Variants in ROBO1 observed in about 807,000 individuals in gnomAD.
ROBO1 encodes roundabout homolog 1.
In ROBO1, 149 loss-of-function variants were observed where a neutral mutation model predicts 195.9. The ratio of observed to expected loss-of-function variants is 0.76; its 90% CI spans 0.67 to 0.87. The LOEUF (loss-of-function observed/expected upper bound fraction) is 0.87, where lower values mean the gene tolerates loss of function less well. ROBO1 is among the 40% of genes least tolerant of loss of function. ROBO1 has a pLI of 0.00. For synonymous variants in ROBO1, 816 were observed against 733.2 expected (o/e 1.11, Z -1.82); for missense variants, 1,933 against 2,068.3 (o/e 0.93, Z 1.27).
At chr3:79,408,145 G>A (rs2037622519) in intron 2 of ROBO1, among the ~76,000 whole-genome samples, 1 of 151,864 alleles carries the variant, frequency 6.6e-6, no homozygotes, top group African/African-American at 2.4e-5. Context: ...TTGAACCCAC[G>A]AGGCCGAGGT....
intron 1 of ROBO1, among the ~76,000 whole-genome samples, chr3:79,765,628 T>C (rs1553651701): frequency 6.6e-6 from 1 of 152,192 alleles, no homozygotes; most frequent in Non-Finnish European, 1.5e-5. Context: ...GGCTTCCAAA[T>C]AAATCAGTGG....
chr3:78,659,282 C>T (rs1021417595), intron 17 of ROBO1, among the ~76,000 whole-genome samples: 3 of 152,108 alleles, frequency 2.0e-5, no homozygotes, highest in East Asian at 1.9e-4. Flanking sequence ...ATACACTGTT[C>T]ATATACACAA....
At chr3:79,141,215 G>T (rs1013117084) in intron 2 of ROBO1, among the ~76,000 whole-genome samples, 1 of 151,984 alleles carries the variant, frequency 6.6e-6, no homozygotes, top group African/African-American at 2.4e-5. Flanking sequence ...TGACGACTGC[G>T]ATTCCTCCCC....
chr3:79,304,129 G>A (rs748823005), intron 2 of ROBO1, among the ~76,000 whole-genome samples: 6 of 152,092 alleles, frequency 3.9e-5, no homozygotes, highest in African/African-American at 1.2e-4. Context: ...GCAAGAAATC[G>A]TTAGTTAATA....
chr3:79,473,098 A>G (rs72900025), intron 2 of ROBO1, among the ~76,000 whole-genome samples: 324 of 152,304 alleles, frequency 2.1e-3, no homozygotes, highest in African/African-American at 7.3e-3. Context: ...ATGAAACCCT[A>G]TTTGAAAGTA....
intron 4 of ROBO1, among the ~76,000 whole-genome samples, chr3:78,853,147 C>T (rs1230150684): frequency 6.6e-6 from 1 of 151,688 alleles, no homozygotes; most frequent in African/African-American, 2.4e-5. Flanking sequence ...GAAGACAGTT[C>T]TGGGAGTCAT....
chr3:78,806,090 GC>G (rs150451075), intron 4 of ROBO1, among the ~76,000 whole-genome samples: 4,636 of 152,128 alleles, frequency 0.03, 189 homozygotes, highest in African/African-American at 0.095. Flanking sequence ...CTCCGAAGTA[GC>G]TAGGACTGCA....
At chr3:79,621,852 G>A (rs1945018089) in intron 1 of ROBO1, among the ~76,000 whole-genome samples, 1 of 152,184 alleles carries the variant, frequency 6.6e-6, no homozygotes, top group African/African-American at 2.4e-5. Context: ...CAATTGCGCA[G>A]TTGAGACTAC....
intron 2 of ROBO1, among the ~76,000 whole-genome samples, chr3:79,548,416 A>G (rs1942352172): frequency 6.6e-6 from 1 of 152,216 alleles, no homozygotes; most frequent in African/African-American, 2.4e-5. Flanking sequence ...TTGTTTGTGA[A>G]GAGAAATCTA....
intron 1 of ROBO1, among the ~76,000 whole-genome samples, chr3:79,656,001 T>A (rs755823153): frequency 6.6e-6 from 1 of 152,130 alleles, no homozygotes; most frequent in Non-Finnish European, 1.5e-5. Context: ...TAAAAGATAT[T>A]TATTTTTAAG....
At chr3:78,867,966 A>G (rs2035286378) in intron 4 of ROBO1, among the ~76,000 whole-genome samples, 1 of 152,166 alleles carries the variant, frequency 6.6e-6, no homozygotes, top group African/African-American at 2.4e-5. Context: ...TCTTGTCTTA[A>G]AGGCCTGTTA....
At chr3:79,211,415 G>A (rs2108802388) in intron 2 of ROBO1, among the ~76,000 whole-genome samples, 1 of 152,172 alleles carries the variant, frequency 6.6e-6, no homozygotes, top group South Asian at 2.1e-4. Flanking sequence ...CCATAGGTAA[G>A]CACTAATCAA....
intron 4 of ROBO1, among the ~76,000 whole-genome samples, chr3:78,844,375 T>C (rs964067385): frequency 1.3e-5 from 2 of 152,142 alleles, no homozygotes; most frequent in Non-Finnish European, 2.9e-5. Context: ...ATTATCCAAC[T>C]GTTTAATATA....
At chr3:79,511,780 T>A (rs1231645252) in intron 2 of ROBO1, among the ~76,000 whole-genome samples, 1 of 152,094 alleles carries the variant, frequency 6.6e-6, no homozygotes, top group Non-Finnish European at 1.5e-5. Context: ...GGGACATGGA[T>A]GGAGCTGGAG....
At chr3:79,071,550 T>C (rs78384218) in intron 3 of ROBO1, among the ~76,000 whole-genome samples, 2,373 of 151,968 alleles carry the variant, frequency 0.016, 32 homozygotes, top group Non-Finnish European at 0.025. Flanking sequence ...TACTCTTTTT[T>C]ATGGCAATTT....
intron 2 of ROBO1, among the ~76,000 whole-genome samples, chr3:79,214,258 G>A (rs992717833): frequency 1.3e-5 from 2 of 151,994 alleles, no homozygotes; most frequent in Non-Finnish European, 2.9e-5. Context: ...GTAATAAACA[G>A]CAAACAGTTT....
At chr3:78,805,830 T>G (rs765598360) in intron 4 of ROBO1, among the ~76,000 whole-genome samples, 2 of 152,194 alleles carry the variant, frequency 1.3e-5, no homozygotes, top group Non-Finnish European at 2.9e-5. Flanking sequence ...ATACATAGTA[T>G]AGTGTAAACA....
intron 2 of ROBO1, among the ~76,000 whole-genome samples, chr3:79,323,465 T>C (rs74411907): frequency 0.029 from 4,384 of 152,218 alleles, 183 homozygotes; most frequent in African/African-American, 0.093. Flanking sequence ...ATGAATTAAA[T>C]GTATCATTAG....
At chr3:79,563,895 C>T (rs996590336) in intron 2 of ROBO1, among the ~76,000 whole-genome samples, 7 of 151,992 alleles carry the variant, frequency 4.6e-5, no homozygotes, top group South Asian at 4.1e-4. Context: ...AATGGAACTA[C>T]ATTTATTTTG....
Sources: gnomAD v4.1 joint callset for allele counts (sites outside exome capture counted in the v4.1 genomes callset) on GRCh38, gnomAD v4.1.1 for gene constraint, MANE v1.5 for transcripts, NCBI Gene and HGNC (gene_info 2026-07-23, HGNC 2026-07-21) for gene names.